The following PLEKHA8 variants were observed in gnomAD, a reference collection of about 807,000 sequenced individuals.
PLEKHA8 encodes the protein pleckstrin homology domain containing A8.
In PLEKHA8, 36 loss-of-function variants were observed where a neutral mutation model predicts 68.2. The observed-to-expected ratio is 0.53, with a 90% CI of 0.40 to 0.70. The LOEUF (loss-of-function observed/expected upper bound fraction) is 0.70. Among genes scored for constraint, PLEKHA8 ranks in the 30% least tolerant of loss-of-function variants. The pLI is 0.00. For synonymous variants in PLEKHA8, 211 were observed against 216.1 expected (o/e 0.98, Z 0.20); for missense variants, 505 against 615.4 (o/e 0.82, Z 1.90).
chr7:30,056,312 C>CTATATATATATATATA (rs1554385029), intron 9 of PLEKHA8, among the ~76,000 whole-genome samples: 5 of 94,556 alleles, frequency 5.3e-5, no homozygotes, highest in African/African-American at 1.6e-4. Context: ...CTCTCTCTCT[C>CTATATATATATATATA]TATATATATA....
At chr7:30,050,954 C>T (rs769522871) in intron 6 of PLEKHA8, among the ~76,000 whole-genome samples, 3 of 152,110 alleles carry the variant, frequency 2.0e-5, no homozygotes, top group Non-Finnish European at 4.4e-5. Context: ...ATGATTTAAC[C>T]CATGAAAGTG....
intron 1 of PLEKHA8, among the ~76,000 whole-genome samples, chr7:30,038,139 C>T (rs1230259733): frequency 6.6e-6 from 1 of 152,124 alleles, no homozygotes; most frequent in African/African-American, 2.4e-5. Context: ...AGGCATTCTA[C>T]TAGTTGTTTA....
intron 1 of PLEKHA8, among the ~76,000 whole-genome samples, chr7:30,037,506 G>A (rs1452250879): frequency 6.6e-6 from 1 of 152,090 alleles, no homozygotes; most frequent in Non-Finnish European, 1.5e-5. Flanking sequence ...ATTAGGATAG[G>A]TTTTGAAAGC....
chr7:30,104,794 C>G (rs1359370526), intron 13 of PLEKHA8, among the ~76,000 whole-genome samples: 5 of 143,776 alleles, frequency 3.5e-5, no homozygotes. Context: ...ATGATCTTGG[C>G]TCACTGCAAT....
chr7:30,046,489 G>A (rs1224643409), intron 3 of PLEKHA8, 124 bp downstream of exon 3: 2 of 1,069,790 alleles, frequency 1.9e-6, no homozygotes, highest in African/African-American at 3.2e-5. Flanking sequence ...CAAATGCTGT[G>A]TATCTTAGTA....
At chr7:30,068,208 T>C (rs143599976) in intron 12 of PLEKHA8, among the ~76,000 whole-genome samples, 1,822 of 152,326 alleles carry the variant, frequency 0.012, 25 homozygotes, top group Non-Finnish European at 0.017. Flanking sequence ...TTCTAACAAG[T>C]TCCCAGGTGA....
chr7:30,045,406 A>G (rs1230516148), intron 2 of PLEKHA8, among the ~76,000 whole-genome samples: 2 of 152,204 alleles, frequency 1.3e-5, no homozygotes, highest in East Asian at 1.9e-4. Flanking sequence ...GAGGTGGTCA[A>G]AATAAATGAG....
Position 30,079,668 on chromosome 7 carries a change from A to T in PLEKHA8, c.*881A>T, listed in dbSNP as rs947120554. ...AAGCAGAGGAGCCAGATAATTTCCA[A>T]GTGTGACCTGGACTGCCTCTGCATC... On this transcript the variant is annotated 3_prime_UTR_variant, in exon 14 of 14. Transcript: ENST00000449726. The T allele has an allele frequency of 4.1e-6, 2 of 483,510 alleles. No homozygotes were observed. Among genetic ancestry groups the T allele is most frequent in the Admixed American group, 1.3e-4 (2 of 15,632 alleles). The allele number at this position is 483,510 out of a possible 1,614,324, so 30.0% of individuals were successfully genotyped here.
intron 13 of PLEKHA8, among the ~76,000 whole-genome samples, chr7:30,125,856 T>C (rs548459677): frequency 6.6e-6 from 1 of 152,356 alleles, no homozygotes; most frequent in East Asian, 1.9e-4. Context: ...TCCATTTTTA[T>C]AAATCAGATT....
chr7:30,111,217 T>C (rs1796264228), intron 13 of PLEKHA8, among the ~76,000 whole-genome samples: 1 of 152,206 alleles, frequency 6.6e-6, no homozygotes, highest in Admixed American at 6.5e-5. Context: ...TTTTGAGTTT[T>C]AAGAGTTCTT....
At chr7:30,072,611 A>T (rs1311096657) in intron 12 of PLEKHA8, among the ~76,000 whole-genome samples, 1 of 152,252 alleles carries the variant, frequency 6.6e-6, no homozygotes, top group Non-Finnish European at 1.5e-5. Context: ...TTTTCACTGC[A>T]TAGGAACTTG....
At chr7:30,059,727 CTT>C (rs1793286903) in intron 9 of PLEKHA8, among the ~76,000 whole-genome samples, 1 of 147,914 alleles carries the variant, frequency 6.8e-6, no homozygotes, top group African/African-American at 2.5e-5. Context: ...AGCTATACCT[CTT>C]TGTTTTATTT....
downstream of PLEKHA8, among the ~76,000 whole-genome samples, chr7:30,092,474 C>T (rs1214953247): frequency 6.6e-6 from 1 of 152,072 alleles, no homozygotes; most frequent in Non-Finnish European, 1.5e-5. Context: ...TGTGGCACTA[C>T]CATTTCCTTG....
Position 30,081,809 on chromosome 7 carries a change from G to T in PLEKHA8, c.*3022G>T, listed in dbSNP as rs765342352. The T allele has an allele frequency of 4.1e-6, 4 of 985,334 alleles. No individual in the cohort carries two copies. The highest frequency in any genetic ancestry group is 4.8e-6 in the Non-Finnish European group (4 of 829,866). The allele number at this position is 985,334 out of a possible 1,614,324, so 61.0% of individuals were successfully genotyped here. Reference sequence around the variant, plus strand: ...TGAGACATTTCCACACAATTTCATCGTGCCTGTACTTTTCTCTATGGTAAA... The same window carrying T: ...TGAGACATTTCCACACAATTTCATCTTGCCTGTACTTTTCTCTATGGTAAA... On this transcript the variant is annotated 3_prime_UTR_variant, in exon 14 of 14. Transcript: ENST00000449726.
At chr7:30,095,469 G>A (rs1443511731), downstream of PLEKHA8, among the ~76,000 whole-genome samples, 1 of 152,186 alleles carries the variant, frequency 6.6e-6, no homozygotes, top group African/African-American at 2.4e-5. Context: ...CTCCCATTCT[G>A]TAGGTTGCCT....
intron 1 of PLEKHA8, among the ~76,000 whole-genome samples, chr7:30,042,788 T>G (rs548852700): frequency 6.6e-6 from 1 of 152,330 alleles, no homozygotes; most frequent in Admixed American, 6.5e-5. Flanking sequence ...CTCTTCTGTT[T>G]CAGTGAGGGG....
At chr7:30,064,414 G>A (rs969990743) in intron 12 of PLEKHA8, among the ~76,000 whole-genome samples, 4 of 152,028 alleles carry the variant, frequency 2.6e-5, no homozygotes, top group South Asian at 2.1e-4. Context: ...ATGGTGTTGC[G>A]TGCCTGTAGT....
downstream of PLEKHA8, among the ~76,000 whole-genome samples, chr7:30,092,218 A>G (rs1243738539): frequency 2.0e-5 from 3 of 152,204 alleles, no homozygotes; most frequent in African/African-American, 7.2e-5. Flanking sequence ...AATTGTGCAC[A>G]GTGTCTAGCA....
At chr7:30,122,199 C>G (rs1185267509) in intron 13 of PLEKHA8, among the ~76,000 whole-genome samples, 3 of 152,102 alleles carry the variant, frequency 2.0e-5, no homozygotes, top group African/African-American at 4.8e-5. Context: ...TCTGGCTATT[C>G]TAATTGTTTC....
Sources: allele counts gnomAD v4.1 joint callset (sites outside exome capture counted in the v4.1 genomes callset), GRCh38; gene constraint gnomAD v4.1.1; transcripts MANE v1.5; gene names NCBI Gene and HGNC (gene_info 2026-07-23, HGNC 2026-07-21).